Variants in PAPSS2 observed in about 807,000 individuals in gnomAD.
PAPSS2 encodes bifunctional 3'-phosphoadenosine 5'-phosphosulfate synthase 2.
Under a neutral mutation model 66.5 loss-of-function variants are expected in PAPSS2, and 61 were observed. That is an observed-to-expected ratio of 0.92 (90% CI 0.75 to 1.14). The LOEUF is 1.14. PAPSS2 is among the 50% of genes most tolerant of loss of function. The pLI, the probability that PAPSS2 is intolerant of heterozygous loss-of-function variation, is 0.00. For missense variants in PAPSS2, 708 were observed against 789.6 expected, an observed-to-expected ratio of 0.90 and a Z score of 1.24; for synonymous variants, 289 against 287.5, an observed-to-expected ratio of 1.01 and a Z score of -0.05.
At chr10:87,660,075 T>C in intron 1 of PAPSS2, 67 bp downstream of exon 1, 3 of 1,419,290 alleles carry the variant, frequency 2.1e-6, no homozygotes, top group South Asian at 2.4e-5. Flanking sequence ...CAACCCCCAA[T>C]TCCCCGGCAC....
At chr10:87,686,506 C>T (rs1241313509) in intron 1 of PAPSS2, among the ~76,000 whole-genome samples, 3 of 152,086 alleles carry the variant, frequency 2.0e-5, no homozygotes, top group South Asian at 2.1e-4. Flanking sequence ...TACACACACC[C>T]GCTCCTGGGA....
chr10:87,710,104 C>T (rs1373521833), intron 2 of PAPSS2, among the ~76,000 whole-genome samples: 1 of 152,146 alleles, frequency 6.6e-6, no homozygotes, highest in Non-Finnish European at 1.5e-5. Flanking sequence ...TGGAATGAGC[C>T]CACCTGCAAA....
chr10:87,724,282 T>TTTTTAGTAAGA (rs1853631063), intron 8 of PAPSS2, among the ~76,000 whole-genome samples: 5 of 151,160 alleles, frequency 3.3e-5, no homozygotes, highest in Admixed American at 1.3e-4. Context: ...AAGTATTCAC[T>TTTTTAGTAAGA]CAAAAAAAAA....
rs57149305 is a variant in PAPSS2, at chr10:87,734,703, A to ATG, written c.1087-6531_1087-6530insGT. 6.8e-3 allele frequency among the ~76,000 whole-genome samples: 761 copies of ATG among 111,282 alleles called. 7 individuals carry two copies. Among genetic ancestry groups the ATG allele is most frequent in the African/African-American group, 0.026 (584 of 22,670 alleles). The allele number at this position is 111,282 out of a possible 152,430, so 73.0% of individuals were successfully genotyped here. ...TATATATATATATATATATATATATATATGTATGTATTCTCCTCTTGTAGG... is the reference window on the plus strand; with the variant it reads ...TATATATATATATATATATATATATATGTATGTATGTATTCTCCTCTTGTAGG... On this transcript the variant is annotated intron_variant, in intron 9 of 12. Transcript: ENST00000456849.
intron 1 of PAPSS2, among the ~76,000 whole-genome samples, chr10:87,702,158 G>T (rs952429426): frequency 2.0e-5 from 3 of 152,218 alleles, no homozygotes; most frequent in Non-Finnish European, 4.4e-5. Flanking sequence ...TTACATTATA[G>T]TGTAGTATGA....
intron 1 of PAPSS2, among the ~76,000 whole-genome samples, chr10:87,673,523 A>G (rs1852905293): frequency 6.6e-6 from 1 of 151,728 alleles, no homozygotes; most frequent in Admixed American, 6.6e-5. Flanking sequence ...TAGTTTTACT[A>G]CCAGAAGGGT....
intron 1 of PAPSS2, among the ~76,000 whole-genome samples, chr10:87,695,587 A>C (rs922078409): frequency 6.6e-6 from 1 of 152,230 alleles, no homozygotes; most frequent in African/African-American, 2.4e-5. Context: ...ACTGTGGGAT[A>C]AGCCTGAAGG....
At chr10:87,713,911 C>T in intron 3 of PAPSS2, 133 bp from the exon 4 acceptor site, 1 of 892,164 alleles carries the variant, frequency 1.1e-6, no homozygotes, top group Non-Finnish European at 1.8e-6. Flanking sequence ...TCTGGACTTT[C>T]TCTCAAGCAC....
intron 1 of PAPSS2, among the ~76,000 whole-genome samples, chr10:87,685,333 G>T (rs1191602283): frequency 6.6e-6 from 1 of 152,126 alleles, no homozygotes; most frequent in Non-Finnish European, 1.5e-5. Context: ...TTTATTTTCT[G>T]TATGGAGTCT....
In PAPSS2 at chr10:87,743,593, C is replaced by A. The variant is rs1280414486; in HGVS notation, c.1443C>A (p.Thr481=). 2 of 1,614,176 alleles carry A rather than the reference C, an allele frequency of 1.2e-6. No homozygotes were observed. The stretch of plus-strand genomic sequence containing the variant: ...AAGGGGTCCTGGATCCCAAGTCAAC[C>A]ATTGTTGCCATCTTTCCGTCTCCCA... ...LEEGVLDPKS[T]IVAIFPSPML... Residue 481 remains threonine (T), a synonymous_variant, in exon 11 of 13, where the codon ACC becomes ACA. Transcript: ENST00000456849.
intron 1 of PAPSS2, among the ~76,000 whole-genome samples, chr10:87,669,510 A>G (rs1418398599): frequency 6.6e-6 from 1 of 152,262 alleles, no homozygotes; most frequent in Admixed American, 6.5e-5. Context: ...TAACCAAATC[A>G]TAACTAAAAT....
intron 1 of PAPSS2, among the ~76,000 whole-genome samples, chr10:87,700,784 G>C (rs1182471464): frequency 6.6e-6 from 1 of 151,654 alleles, no homozygotes; most frequent in Non-Finnish European, 1.5e-5. Flanking sequence ...AACTACATAA[G>C]AATTCTAGAA....
At chr10:87,727,843 C>T (rs7921017) in intron 9 of PAPSS2, among the ~76,000 whole-genome samples, 79,486 of 151,838 alleles carry the variant, frequency 0.52, 22,097 homozygotes, top group East Asian at 0.75. Context: ...TGCAGCCCTG[C>T]CCATCTTGAA....
intron 1 of PAPSS2, among the ~76,000 whole-genome samples, chr10:87,701,250 TC>T (rs1388345852): frequency 1.4e-5 from 2 of 147,676 alleles, no homozygotes; most frequent in African/African-American, 5.1e-5. Context: ...TTTTCTTTTT[TC>T]TTTCTTTCTT....
At chr10:87,691,182 C>G (rs1853166941) in intron 1 of PAPSS2, among the ~76,000 whole-genome samples, 1 of 152,138 alleles carries the variant, frequency 6.6e-6, no homozygotes, top group Non-Finnish European at 1.5e-5. Context: ...TATCCTCTTC[C>G]AAGACTATCT....
At chr10:87,736,770 A>G (rs1417099983) in intron 9 of PAPSS2, among the ~76,000 whole-genome samples, 2 of 152,338 alleles carry the variant, frequency 1.3e-5, no homozygotes, top group Non-Finnish European at 2.9e-5. Flanking sequence ...GCCAGGTTCA[A>G]ATATAGACTT....
intron 1 of PAPSS2, among the ~76,000 whole-genome samples, chr10:87,670,899 T>G (rs957761384): frequency 2.6e-5 from 4 of 152,252 alleles, no homozygotes; most frequent in Non-Finnish European, 5.9e-5. Flanking sequence ...CACATCACAC[T>G]GTGTTATTAA....
intron 1 of PAPSS2, among the ~76,000 whole-genome samples, chr10:87,683,763 T>G (rs1157585733): frequency 1.3e-5 from 2 of 152,148 alleles, no homozygotes; most frequent in East Asian, 3.9e-4. Flanking sequence ...GATGATGGCT[T>G]GCTGCAGCCT....
intron 1 of PAPSS2, among the ~76,000 whole-genome samples, chr10:87,704,851 A>G (rs1478133067): frequency 6.6e-6 from 1 of 152,178 alleles, no homozygotes; most frequent in Non-Finnish European, 1.5e-5. Flanking sequence ...CGTATCAGCT[A>G]GGCTGATCTC....
Sources: allele counts gnomAD v4.1 joint callset (sites outside exome capture counted in the v4.1 genomes callset), GRCh38; gene constraint gnomAD v4.1.1; transcripts MANE v1.5; gene names NCBI Gene and HGNC (gene_info 2026-07-23, HGNC 2026-07-21).